NASP: variants seen among roughly 807,000 people sequenced by gnomAD.
NASP encodes the protein NASP histone chaperone.
Under a neutral mutation model 89.5 loss-of-function variants are expected in NASP, and 24 were observed. That is an observed-to-expected ratio of 0.27 (90% CI 0.19 to 0.38). The LOEUF (loss-of-function observed/expected upper bound fraction) is 0.38, where lower values mean the gene tolerates loss of function less well. NASP is among the 10% of genes least tolerant of loss of function. NASP has a pLI of 1.00. For missense variants in NASP, 848 were observed against 921.4 expected (o/e 0.92, Z 1.03); for synonymous variants, 306 against 324.7 (o/e 0.94, Z 0.62).
At chr1:45,612,358 A>G (rs1644030034) in intron 6 of NASP, 1 of 152,192 alleles carries the variant, frequency 6.6e-6, no homozygotes, top group Non-Finnish European at 1.5e-5. Flanking sequence ...GAAAGATGGC[A>G]GAGAGAGGCA....
At chr1:45,617,986 A>G in intron 14 of NASP, 75 bp from the exon 15 acceptor site, 1 of 1,336,562 alleles carries the variant, frequency 7.5e-7, no homozygotes, top group Non-Finnish European at 1.0e-6. Context: ...GCTTCCTATG[A>G]CTGAGGCCTC....
rs776308072 is a variant in NASP at position 45,615,230 on chromosome 1, A to T, written c.1855+29A>T. ...AGTGAAGACGAGCTGCTTCATGGTG[A>T]TGTTGGATCCAGCAATTAACAAGGA... On this transcript the variant is annotated intron_variant, in intron 10 of 14. Coordinates refer to ENST00000350030, the MANE Select transcript of NASP (RefSeq NM_002482.4). 7 of 1,612,268 alleles carry T rather than the reference A, an allele frequency of 4.3e-6. No individual in the cohort carries two copies. The East Asian group carries it at 1.1e-4, about 26-fold the overall frequency.
At position 45,604,282 on chromosome 1, in the gene NASP, C is replaced by T. The variant is rs72883656; in HGVS notation, c.219-654C>T. ...TTTCTCCTTTTGTTCATTATACTTA[C>T]GTAATTTTTGTCCTTCTTCCTTCTG... On this transcript the variant is annotated intron_variant, in intron 3 of 14. Transcript: ENST00000350030. 5.1e-3 allele frequency among the ~76,000 whole-genome samples: 771 copies of T among 152,294 alleles called. 7 individuals are homozygous for T. The highest frequency in any genetic ancestry group is 0.017 in the African/African-American group (726 of 41,566).
intron 7 of NASP, among the ~76,000 whole-genome samples, chr1:45,613,623 A>C (rs1257329919): frequency 1.3e-5 from 2 of 152,186 alleles, no homozygotes; most frequent in Non-Finnish European, 2.9e-5. Context: ...CTAGGTCTCC[A>C]GATGTCTGCC....
rs145890624 is a variant in NASP at position 45,594,640 on chromosome 1, A to G, written c.107+3370A>G. On this transcript the variant is annotated intron_variant, in intron 2 of 14. Transcript: ENST00000350030. The stretch of plus-strand genomic sequence containing the variant: ...TCCTGCCTTAGACTCCTGGGTAGCT[A>G]GGATCACAGATGTGTGCCACTATGC... 3.4e-4 allele frequency: 149 copies of G among 436,396 alleles called. 3 individuals carry two copies. Among genetic ancestry groups the G allele is most frequent in the African/African-American group, 2.5e-3 (123 of 49,902 alleles). The allele number at this position is 436,396 out of a possible 1,614,324, so 27.0% of individuals were successfully genotyped here.
intron 7 of NASP, among the ~76,000 whole-genome samples, chr1:45,613,462 G>A (rs1312138413): frequency 6.6e-6 from 1 of 152,140 alleles, no homozygotes; most frequent in Non-Finnish European, 1.5e-5. Flanking sequence ...TTGCAGGACT[G>A]TAGCTTACCT....
At chr1:45,589,304 TG>T (rs889751732) in intron 1 of NASP, among the ~76,000 whole-genome samples, 1 of 152,092 alleles carries the variant, frequency 6.6e-6, no homozygotes, top group African/African-American at 2.4e-5. Context: ...ATTTTATTTT[TG>T]GTAGAGATAG....
Position 45,591,374 on chromosome 1 carries a change from A to G in NASP, c.107+104A>G. ...TTTTTAATTAATTTATTTTTGATAG[A>G]GGCAAGGTGTCGCTTTGTTGCTCAG... On this transcript the variant is annotated intron_variant, in intron 2 of 14. Transcript: ENST00000350030. 4 of 821,468 alleles carry G rather than the reference A, an allele frequency of 4.9e-6. No homozygotes were observed. The South Asian group carries it at 7.1e-5, about 15-fold the overall frequency. The allele number at this position is 821,468 out of a possible 1,614,324, so 50.9% of individuals were successfully genotyped here.
In NASP at chr1:45,607,677, G is replaced by C; in HGVS notation, c.766G>C (p.Glu256Gln). ...AACTGATGTCCAAGAAGAGTGCAGAGAAAAAGGAGGTCAGGAGAAGCAGGG... is the reference window on the plus strand; with the variant it reads ...AACTGATGTCCAAGAAGAGTGCAGACAAAAAGGAGGTCAGGAGAAGCAGGG... ...SGTDVQEECR[E>Q]KGGQEKQGEV... The change falls in exon 6 of 15, where the codon GAA becomes CAA. Residue 256 changes from glutamate to glutamine, a missense_variant. By Grantham distance (29) the Glu-to-Gln change is conservative. Transcript: ENST00000350030. 1 of 1,614,162 alleles carries C rather than the reference G, an allele frequency of 6.2e-7. No homozygotes were observed. The highest frequency in any genetic ancestry group is 8.5e-7 in the Non-Finnish European group (1 of 1,180,030).
At chr1:45,600,471 C>G (rs1643812789) in intron 2 of NASP, 1 of 1,165,278 alleles carries the variant, frequency 8.6e-7, no homozygotes, top group South Asian at 1.7e-5. Context: ...AGTACTGTTT[C>G]TTTTTGTATA....
Position 45,615,454 on chromosome 1 carries a change from G to T in NASP, c.2005G>T (p.Ala669Ser). The T allele has an allele frequency of 1.2e-6, 2 of 1,612,758 alleles. No individual in the cohort carries two copies. The highest frequency in any genetic ancestry group is 2.2e-5 in the East Asian group (1 of 44,874). The change falls in exon 11 of 15, where the codon GCT becomes TCT. Residue 669 changes from alanine to serine, a missense_variant. By Grantham distance (99) the Ala-to-Ser change is moderately conservative. This residue lies in a region of NASP where 218 missense variants were observed against 219.6 expected (regional missense o/e 0.99). Coordinates refer to ENST00000350030, the MANE Select transcript of NASP (RefSeq NM_002482.4). ...GCGTAGTGGGAATGTAGCTGAACTG[G>T]CTCTGAAAGCTACTCTGGTTGGTTC... ...SQRSGNVAEL[A>S]LKATLVESST...
chr1:45,611,780 T>C (rs1644016504), intron 6 of NASP: 1 of 151,744 alleles, frequency 6.6e-6, no homozygotes. Context: ...TTGCCATTAC[T>C]TTAAAACCTT....
At chr1:45,605,889 G>C (rs1247511156) in intron 4 of NASP, among the ~76,000 whole-genome samples, 1 of 151,252 alleles carries the variant, frequency 6.6e-6, no homozygotes, top group Non-Finnish European at 1.5e-5. Flanking sequence ...CGATTCTCCT[G>C]CCTTAGCTTC....
In NASP at chr1:45,616,719, GTGT is replaced by G. The variant is rs755063960; in HGVS notation, c.2157+18_2157+20del. ...CAGAAAGAAGGTAAGTCTACATGTG[GTGT>G]TTCTTTTCTACCGTTTCCTCAGACT... On this transcript the variant is annotated intron_variant, in intron 13 of 14. Transcript: ENST00000350030. 6.2e-7 allele frequency: 1 copy of G among 1,605,346 alleles called. No individual in the cohort carries two copies. The highest frequency in any genetic ancestry group is 2.2e-5 in the East Asian group (1 of 44,832).
rs1429255729 is a variant in NASP at position 45,618,432 on chromosome 1, GTGCTATATTC to G, written c.*294_*303del. 1 of 241,006 alleles carries G rather than the reference GTGCTATATTC, an allele frequency of 4.1e-6. No homozygotes were observed. Among genetic ancestry groups the G allele is most frequent in the African/African-American group, 2.2e-5 (1 of 44,876 alleles). 14.9% of individuals were successfully genotyped at this position (241,006 alleles called of 1,614,324 possible). On this transcript the variant is annotated 3_prime_UTR_variant, in exon 15 of 15. Coordinates refer to ENST00000350030, the MANE Select transcript of NASP (RefSeq NM_002482.4). Reference sequence around the variant, plus strand: ...GGCTGTAGGCCTTTGTTTTCCAATGGTGCTATATTCTGTTTTCAAACACTTCACTGAACCC... The same window carrying G: ...GGCTGTAGGCCTTTGTTTTCCAATGGTGTTTTCAAACACTTCACTGAACCC...
chr1:45,616,591 C>G (rs778383386), intron 12 of NASP, 35 bp from the exon 13 acceptor site: 1 of 1,594,552 alleles, frequency 6.3e-7, no homozygotes, highest in Non-Finnish European at 8.6e-7. Context: ...TCTCATATAG[C>G]TTGTACAATT....
chr1:45,584,568 G>A (rs931739549), intron 1 of NASP, among the ~76,000 whole-genome samples: 3 of 152,104 alleles, frequency 2.0e-5, no homozygotes, highest in Admixed American at 1.3e-4. Flanking sequence ...TGTCCCCAGC[G>A]TGTGCCTCTG....
chr1:45,608,019 G>A lies in NASP; in HGVS notation c.1108G>A (p.Glu370Lys). ...GSEVSEKPGQEAPVLPKDGAV... is the reference protein window; with the variant it reads ...GSEVSEKPGQKAPVLPKDGAV... ...AGAAGTCTCTGAAAAGCCTGGGCAG[G>A]AGGCTCCAGTTCTCCCTAAGGATGG... Residue 370 changes from glutamate (E) to lysine (K), a missense_variant, in exon 6 of 15, where the codon GAG becomes AAG. Around this residue, in one of 5 missense-constraint regions of NASP, gnomAD observed 464 missense variants for 469.4 expected, o/e 0.99. Transcript: ENST00000350030. 1 of 1,614,060 alleles carries A rather than the reference G, an allele frequency of 6.2e-7. No individual in the cohort carries two copies. The highest frequency in any genetic ancestry group is 8.5e-7 in the Non-Finnish European group (1 of 1,179,932).
intron 8 of NASP, 42 bp downstream of exon 8, chr1:45,614,223 T>G: frequency 1.3e-6 from 2 of 1,596,986 alleles, no homozygotes; most frequent in Non-Finnish European, 1.7e-6. Flanking sequence ...GGGAGTTTGG[T>G]GGTTAAATAG....
Sources: allele counts gnomAD v4.1 joint callset (sites outside exome capture counted in the v4.1 genomes callset), GRCh38; gene constraint gnomAD v4.1.1; regional missense constraint gnomAD v4.1.1; transcripts MANE v1.5; gene names NCBI Gene and HGNC (gene_info 2026-07-23, HGNC 2026-07-21).